STK39: variants seen among roughly 807,000 people sequenced by gnomAD.
STK39 encodes the protein serine/threonine kinase 39.
STK39 carries 20 observed loss-of-function variants against 77.8 expected under a neutral mutation model. The ratio of observed to expected loss-of-function variants is 0.26; its 90% CI spans 0.18 to 0.37. The LOEUF (loss-of-function observed/expected upper bound fraction) is 0.37, where lower values mean the gene tolerates loss of function less well. Ranked by LOEUF, STK39 falls within the 10% of genes least tolerant of loss-of-function variation. STK39 has a pLI of 1.00. For synonymous variants in STK39, 246 were observed against 234.1 expected (o/e 1.05, Z -0.47); for missense variants, 479 against 656.5 (o/e 0.73, Z 2.95).
intron 1 of STK39, among the ~76,000 whole-genome samples, chr2:168,202,248 A>C (rs561445079): frequency 3.9e-5 from 6 of 152,344 alleles, no homozygotes; most frequent in Admixed American, 3.9e-4. Flanking sequence ...ACTCTTCTGC[A>C]CAGTAACATT....
rs1683489733 is a variant in STK39, at chr2:167,983,754, G to A, written c.1499-19028C>T. On this transcript the variant is annotated intron_variant, in intron 16 of 17. Coordinates refer to ENST00000355999, the MANE Select transcript of STK39 (RefSeq NM_013233.3). ...GTAATGGATCACTCCTATCCTGACA[G>A]CATGCCCCAGGTCTTTCTCCCTAAA... is the stretch of plus-strand genomic sequence containing the variant. Among the ~76,000 whole-genome samples the A allele has an allele frequency of 2.0e-5, 3 of 152,146 alleles. No individual in the cohort carries two copies. The South Asian group carries it at 6.2e-4, about 31-fold the overall frequency.
intron 1 of STK39, among the ~76,000 whole-genome samples, chr2:168,225,916 C>T (rs1231287376): frequency 1.3e-5 from 2 of 152,050 alleles, no homozygotes; most frequent in Non-Finnish European, 2.9e-5. Context: ...AAGGGACTCA[C>T]TAAAAACTAG....
intron 14 of STK39, among the ~76,000 whole-genome samples, chr2:168,021,580 T>G (rs1328416422): frequency 6.6e-6 from 1 of 152,168 alleles, no homozygotes; most frequent in East Asian, 1.9e-4. Context: ...TAGGTATGAT[T>G]TAAGGCCAGA....
chr2:168,224,659 A>G (rs1215573889), intron 1 of STK39, among the ~76,000 whole-genome samples: 1 of 152,192 alleles, frequency 6.6e-6, no homozygotes, highest in East Asian at 1.9e-4. Context: ...CTCCTAACTA[A>G]TAAGGAGCAC....
At chr2:167,995,355 G>GA (rs1177762286) in intron 16 of STK39, among the ~76,000 whole-genome samples, 1 of 152,112 alleles carries the variant, frequency 6.6e-6, no homozygotes, top group Non-Finnish European at 1.5e-5. Flanking sequence ...TGATGCACCT[G>GA]CCTCGGCCTC....
At chr2:167,971,930 G>A (rs781127594) in intron 16 of STK39, among the ~76,000 whole-genome samples, 25 of 152,310 alleles carry the variant, frequency 1.6e-4, no homozygotes, top group African/African-American at 4.1e-4. Flanking sequence ...TGATGTCTGC[G>A]TTTTGTCTCA....
intron 1 of STK39, among the ~76,000 whole-genome samples, chr2:168,192,805 A>T (rs1481216366): frequency 6.6e-6 from 1 of 152,228 alleles, no homozygotes; most frequent in Non-Finnish European, 1.5e-5. Flanking sequence ...TGATTATCCC[A>T]GACACCTGGA....
rs149441916 is a variant in STK39, at chr2:168,225,112, G to A, written c.208+22116C>T. 2.6e-5 allele frequency among the ~76,000 whole-genome samples: 4 copies of A among 152,290 alleles called. No individual in the cohort carries two copies. In the East Asian group the frequency reaches 7.7e-4, roughly 29 times the overall value. Reference sequence around the variant, plus strand: ...GAAGCAGAATGGGGTTCAGGAGGAAGAGAACAGGGCAAAAAGGGATACTTA... The same window carrying A: ...GAAGCAGAATGGGGTTCAGGAGGAAAAGAACAGGGCAAAAAGGGATACTTA... On this transcript the variant is annotated intron_variant, in intron 1 of 17. Transcript: ENST00000355999.
chr2:168,063,655 C>T lies in STK39; in HGVS notation c.1306-85G>A, dbSNP rs896765206. 6.2e-6 allele frequency: 8 copies of T among 1,280,202 alleles called. No homozygotes were observed. In the African/African-American group the frequency reaches 1.1e-4, roughly 17 times the overall value. 79.3% of individuals were successfully genotyped at this position (1,280,202 alleles called of 1,614,324 possible). ...TCACAATATCACTTGATTCATATAG[C>T]CATTTCTTTCTGGAAATTTCAAAAC... is the stretch of plus-strand genomic sequence containing the variant. On this transcript the variant is annotated intron_variant, in intron 13 of 17. Transcript: ENST00000355999.
chr2:168,215,211 C>T (rs944307127), intron 1 of STK39, among the ~76,000 whole-genome samples: 1 of 152,148 alleles, frequency 6.6e-6, no homozygotes, highest in African/African-American at 2.4e-5. Context: ...AGACTGCTCC[C>T]ACAAACCACT....
intron 16 of STK39, among the ~76,000 whole-genome samples, chr2:167,994,427 G>T (rs781150595): frequency 4.9e-4 from 74 of 152,116 alleles, no homozygotes; most frequent in African/African-American, 1.4e-3. Context: ...TTTGTTTTTT[G>T]TGTGTGTGTG....
At chr2:168,123,521 T>C (rs539780843) in intron 10 of STK39, among the ~76,000 whole-genome samples, 5 of 152,142 alleles carry the variant, frequency 3.3e-5, no homozygotes, top group East Asian at 3.9e-4. Flanking sequence ...CATACGAAAA[T>C]TCTTGGCACT....
chr2:167,958,105 C>A (rs896592020), intron 17 of STK39, among the ~76,000 whole-genome samples: 2 of 152,152 alleles, frequency 1.3e-5, no homozygotes, highest in Non-Finnish European at 2.9e-5. Flanking sequence ...GAGAAAGGAA[C>A]CAATGACCCT....
chr2:168,112,294 C>T (rs997715175), intron 10 of STK39, among the ~76,000 whole-genome samples: 24 of 151,958 alleles, frequency 1.6e-4, no homozygotes, highest in African/African-American at 5.6e-4. Flanking sequence ...CTTCAAAAAC[C>T]CCTCATGTGG....
At chr2:168,228,334 T>C (rs1690360198) in intron 1 of STK39, among the ~76,000 whole-genome samples, 2 of 146,394 alleles carry the variant, frequency 1.4e-5, no homozygotes, top group Non-Finnish European at 3.0e-5. Flanking sequence ...CAATTTACAC[T>C]TTTTTTTTTA....
intron 1 of STK39, among the ~76,000 whole-genome samples, chr2:168,197,212 T>C (rs1008618614): frequency 1.3e-5 from 2 of 152,182 alleles, no homozygotes; most frequent in Admixed American, 6.5e-5. Context: ...TTTGAGAATA[T>C]ATTTGGACGT....
At chr2:168,132,535 G>C (rs1012985402) in intron 8 of STK39, among the ~76,000 whole-genome samples, 1 of 152,210 alleles carries the variant, frequency 6.6e-6, no homozygotes, top group South Asian at 2.1e-4. Flanking sequence ...CAACTGCAAC[G>C]ATGTTCTCAC....
rs558670797 is a variant in STK39, at chr2:168,081,566, C to T, written c.1090-6335G>A. On this transcript the variant is annotated intron_variant, in intron 10 of 17. Transcript: ENST00000355999. Reference sequence around the variant, plus strand: ...CTCAGATGAGATGTTGGACTGTGGACTTTTGAGTTAATACTGAAATGAGTT... The same window carrying T: ...CTCAGATGAGATGTTGGACTGTGGATTTTTGAGTTAATACTGAAATGAGTT... Among the ~76,000 whole-genome samples, 4 of 152,192 alleles carry T rather than the reference C, an allele frequency of 2.6e-5. No individual in the cohort carries two copies. In the South Asian group the frequency reaches 8.3e-4, roughly 32 times the overall value.
At chr2:168,212,933 T>C (rs1035410470) in intron 1 of STK39, among the ~76,000 whole-genome samples, 4 of 152,110 alleles carry the variant, frequency 2.6e-5, no homozygotes, top group East Asian at 1.9e-4. Flanking sequence ...CAGAAGAGTA[T>C]AGACTCCAGG....
Sources: gnomAD v4.1 joint callset for allele counts (sites outside exome capture counted in the v4.1 genomes callset) on GRCh38, gnomAD v4.1.1 for gene constraint, MANE v1.5 for transcripts, NCBI Gene and HGNC (gene_info 2026-07-23, HGNC 2026-07-21) for gene names.